Variants in GALNT11 observed in about 807,000 individuals in gnomAD.
GALNT11 encodes UDP-GalNAc:polypeptide N-acetylgalactosaminyltransferase 11.
GALNT11 carries 47 observed loss-of-function variants against 72.7 expected under a neutral mutation model. That is an observed-to-expected ratio of 0.65 (90% CI 0.51 to 0.82). The LOEUF (loss-of-function observed/expected upper bound fraction) is 0.82, where lower values mean the gene tolerates loss of function less well. Ranked by LOEUF, GALNT11 falls within the 40% of genes least tolerant of loss-of-function variation. The pLI is 0.00. For synonymous variants in GALNT11, 270 were observed against 286.6 expected, an observed-to-expected ratio of 0.94 and a Z score of 0.58; for missense variants, 677 against 778.4, an observed-to-expected ratio of 0.87 and a Z score of 1.55.
chr7:152,083,008 CACAGACCCTAAGGTG>C (rs542168584), intron 1 of GALNT11, among the ~76,000 whole-genome samples: 75 of 152,264 alleles, frequency 4.9e-4, no homozygotes, highest in African/African-American at 1.7e-3. Flanking sequence ...GATTGTGGCT[CACAGACCCTAAGGTG>C]ACCCCCAGTA....
intron 1 of GALNT11, among the ~76,000 whole-genome samples, chr7:152,043,528 CCCTGTTTATCTGGGGGG>C (rs2082971088): frequency 1.3e-5 from 2 of 152,202 alleles, no homozygotes; most frequent in African/African-American, 2.4e-5. Flanking sequence ...TATAATATTT[CCCTGTTTATCTGGGGGG>C]TGTACTCTAA....
chr7:152,040,832 C>G (rs2152005917), intron 1 of GALNT11, among the ~76,000 whole-genome samples: 1 of 152,282 alleles, frequency 6.6e-6, no homozygotes, highest in African/African-American at 2.4e-5. Flanking sequence ...CCTTTTGAGC[C>G]AGAATAAGAA....
intron 4 of GALNT11, 95 bp from the exon 5 acceptor site, chr7:152,105,150 A>G: frequency 7.5e-7 from 1 of 1,341,104 alleles, no homozygotes; most frequent in Admixed American, 2.5e-5. Flanking sequence ...TTTGTTGTAA[A>G]TTTTAGCAAG....
At chr7:152,109,415 C>G (rs2087941705) in intron 6 of GALNT11, among the ~76,000 whole-genome samples, 1 of 152,158 alleles carries the variant, frequency 6.6e-6, no homozygotes, top group South Asian at 2.1e-4. Flanking sequence ...TTAAGATAAT[C>G]TCTTTTTCAT....
intron 1 of GALNT11, among the ~76,000 whole-genome samples, chr7:152,031,443 T>C (rs2082300794): frequency 6.6e-6 from 1 of 152,220 alleles, no homozygotes; most frequent in South Asian, 2.1e-4. Flanking sequence ...TAGTGCCTGG[T>C]ATCTAAGTAG....
At chr7:152,042,059 G>T (rs2082887322) in intron 1 of GALNT11, among the ~76,000 whole-genome samples, 1 of 152,180 alleles carries the variant, frequency 6.6e-6, no homozygotes, top group Non-Finnish European at 1.5e-5. Context: ...TTTATGAGTA[G>T]GTTCAATTGC....
Position 152,105,371 on chromosome 7 carries a change from G to C in GALNT11, c.712+1G>C, listed in dbSNP as rs749984530. ...ATGATTGGCGCGGCCCACGCGACAG[G>C]TATCACTTCTCGTTAGCTTTGCTCT... On this transcript the variant is annotated splice_donor_variant, in intron 5 of 11. Transcript: ENST00000430044. LOFTEE classifies it high-confidence loss of function. 1 of 1,611,988 alleles carries C rather than the reference G, an allele frequency of 6.2e-7. No individual in the cohort carries two copies. The highest frequency in any genetic ancestry group is 8.5e-7 in the Non-Finnish European group (1 of 1,179,112).
intron 1 of GALNT11, among the ~76,000 whole-genome samples, chr7:152,027,077 G>T (rs984695003): frequency 3.9e-5 from 6 of 152,028 alleles, no homozygotes; most frequent in African/African-American, 1.4e-4. Context: ...GTGAAATCCC[G>T]TCTCTACTAA....
At chr7:152,096,019 A>G (rs972025191) in intron 2 of GALNT11, among the ~76,000 whole-genome samples, 1 of 152,234 alleles carries the variant, frequency 6.6e-6, no homozygotes, top group Non-Finnish European at 1.5e-5. Flanking sequence ...AATTTCATTT[A>G]CAATAGCATC....
intron 1 of GALNT11, among the ~76,000 whole-genome samples, chr7:152,038,207 TG>T (rs2151999401): frequency 6.6e-6 from 1 of 151,690 alleles, no homozygotes; most frequent in African/African-American, 2.4e-5. Context: ...AAATATAGAG[TG>T]TGGAATGGGA....
intron 1 of GALNT11, among the ~76,000 whole-genome samples, chr7:152,042,908 C>T (rs2082935086): frequency 1.3e-5 from 2 of 152,344 alleles, no homozygotes; most frequent in Non-Finnish European, 2.9e-5. Context: ...ATTGGCCACG[C>T]AGACGGCCAG....
chr7:152,051,779 A>G (rs1479291022), intron 1 of GALNT11, among the ~76,000 whole-genome samples: 1 of 152,224 alleles, frequency 6.6e-6, no homozygotes, highest in Non-Finnish European at 1.5e-5. Flanking sequence ...CTCAGTGTGT[A>G]TCACTCGAAC....
At chr7:152,082,891 A>T (rs541804990) in intron 1 of GALNT11, among the ~76,000 whole-genome samples, 1 of 152,352 alleles carries the variant, frequency 6.6e-6, no homozygotes, top group Non-Finnish European at 1.5e-5. Flanking sequence ...TTCTCTTAGT[A>T]TAAGCAGGTT....
At chr7:152,038,495 A>G (rs1325897761) in intron 1 of GALNT11, among the ~76,000 whole-genome samples, 1 of 152,112 alleles carries the variant, frequency 6.6e-6, no homozygotes, top group East Asian at 1.9e-4. Context: ...ATTCCGGTAA[A>G]CCGACAACCT....
At chr7:152,109,891 T>G (rs956265122) in intron 6 of GALNT11, among the ~76,000 whole-genome samples, 1 of 152,182 alleles carries the variant, frequency 6.6e-6, no homozygotes, top group African/African-American at 2.4e-5. Context: ...GACTAGTCTG[T>G]GGCTTTTCTC....
intron 8 of GALNT11, 64 bp downstream of exon 8, chr7:152,113,462 G>C (rs2088460160): frequency 6.5e-7 from 1 of 1,547,902 alleles, no homozygotes. Flanking sequence ...CCTAGTGATA[G>C]CTTTAGTTGC....
At chr7:152,040,182 T>G (rs550628117) in intron 1 of GALNT11, among the ~76,000 whole-genome samples, 14 of 151,828 alleles carry the variant, frequency 9.2e-5, no homozygotes, top group Admixed American at 6.6e-4. Flanking sequence ...CACTGCAAAA[T>G]ACTGCAAGAG....
chr7:152,110,272 A>T (rs565230775), intron 6 of GALNT11, among the ~76,000 whole-genome samples: 1 of 152,312 alleles, frequency 6.6e-6, no homozygotes, highest in East Asian at 1.9e-4. Flanking sequence ...TTCCATCAGA[A>T]ATGGTTATAA....
chr7:152,026,039 G>A (rs2081992652), intron 1 of GALNT11, among the ~76,000 whole-genome samples, 155 bp downstream of exon 1: 1 of 151,898 alleles, frequency 6.6e-6, no homozygotes, highest in Admixed American at 6.6e-5. Context: ...CCTGGGCGAG[G>A]CTCGTGTCTC....
Sources: gnomAD v4.1 joint callset for allele counts (sites outside exome capture counted in the v4.1 genomes callset) on GRCh38, gnomAD v4.1.1 for gene constraint, MANE v1.5 for transcripts, NCBI Gene and HGNC (gene_info 2026-07-23, HGNC 2026-07-21) for gene names.